CTDSPL2: variants seen among roughly 807,000 people sequenced by gnomAD.
CTDSPL2 encodes the protein CTD small phosphatase like 2, also known as CTD small phosphatase-like protein 2.
CTDSPL2 carries 5 observed loss-of-function variants against 60.0 expected under a neutral mutation model. The observed-to-expected ratio is 0.08, with a 90% CI of 0.04 to 0.18. The LOEUF (loss-of-function observed/expected upper bound fraction) is 0.18. CTDSPL2 is among the 10% of genes least tolerant of loss of function. The pLI is 1.00. For missense variants in CTDSPL2, 370 were observed against 548.8 expected (o/e 0.67, Z 3.26); for synonymous variants, 186 against 189.3 (o/e 0.98, Z 0.14).
At chr15:44,467,728 C>G (rs1315344867) in intron 2 of CTDSPL2, among the ~76,000 whole-genome samples, 1 of 152,060 alleles carries the variant, frequency 6.6e-6, no homozygotes, top group Admixed American at 6.6e-5. Flanking sequence ...CACGTGACAC[C>G]ATGCCTGGCT....
At position 44,524,811 on chromosome 15, in the gene CTDSPL2, T is replaced by C. The variant is rs1366247095; in HGVS notation, c.*637T>C. The C allele has an allele frequency of 6.5e-6, 1 of 152,676 alleles. No individual in the cohort carries two copies. Among genetic ancestry groups the C allele is most frequent in the African/African-American group, 2.4e-5 (1 of 41,464 alleles). The allele number at this position is 152,676 out of a possible 1,614,324, so 9.5% of individuals were successfully genotyped here. ...TCTGCCTGCACATTGTATATTTGTT[T>C]AAAAATATTCTCTACTTTTAGTCTA... On this transcript the variant is annotated 3_prime_UTR_variant, in exon 13 of 13. Transcript: ENST00000260327.
chr15:44,490,971 A>G lies in CTDSPL2; in HGVS notation c.663A>G (p.Thr221=). 6.2e-7 allele frequency: 1 copy of G among 1,614,118 alleles called. No homozygotes were observed. Among genetic ancestry groups the G allele is most frequent in the South Asian group, 1.1e-5 (1 of 91,086 alleles). ...ATGGTTTAGAAGAAGCAGAAGAAAC[A>G]GTTAATCGTGATATCCCACCCCTTA... The part of the protein sequence containing the change: ...LNNGLEEAEE[T]VNRDIPPLTA... The change falls in exon 5 of 13, where the codon ACA becomes ACG. Residue 221 remains threonine, a synonymous_variant. Coordinates refer to ENST00000260327, the MANE Select transcript of CTDSPL2 (RefSeq NM_016396.3).
intron 1 of CTDSPL2, among the ~76,000 whole-genome samples, chr15:44,439,543 T>TTG (rs1491414588): frequency 2.8e-5 from 4 of 141,368 alleles, no homozygotes; most frequent in African/African-American, 7.6e-5. Flanking sequence ...ATGTTTTTTT[T>TTG]GGGGGGGGGG....
At chr15:44,442,145 C>T (rs1269322043) in intron 1 of CTDSPL2, among the ~76,000 whole-genome samples, 1 of 151,942 alleles carries the variant, frequency 6.6e-6, no homozygotes, top group African/African-American at 2.4e-5. Context: ...TACGAAATTC[C>T]TAGGGGGAAA....
chr15:44,487,957 A>G (rs2081149730), intron 4 of CTDSPL2, among the ~76,000 whole-genome samples: 1 of 152,020 alleles, frequency 6.6e-6, no homozygotes, highest in Non-Finnish European at 1.5e-5. Flanking sequence ...CTACTAAAGA[A>G]AAATACAAAA....
intron 1 of CTDSPL2, among the ~76,000 whole-genome samples, chr15:44,441,304 T>C (rs2080080148): frequency 2.0e-5 from 3 of 152,138 alleles, no homozygotes; most frequent in Admixed American, 2.0e-4. Context: ...TCCCTTCCAG[T>C]TTTTGTTCCC....
chr15:44,452,277 A>C (rs1277674223), intron 1 of CTDSPL2, among the ~76,000 whole-genome samples: 2 of 152,108 alleles, frequency 1.3e-5, no homozygotes, highest in African/African-American at 4.8e-5. Context: ...CCCGATAAAA[A>C]TTCTTTTTAA....
chr15:44,468,731 C>A lies in CTDSPL2; in HGVS notation c.186+9531C>A, dbSNP rs566598390. Among the ~76,000 whole-genome samples the A allele has an allele frequency of 7.2e-5, 11 of 152,228 alleles. No homozygotes were observed. In the East Asian group the frequency reaches 1.9e-3, roughly 27 times the overall value. On this transcript the variant is annotated intron_variant, in intron 2 of 12. Coordinates refer to ENST00000260327, the MANE Select transcript of CTDSPL2 (RefSeq NM_016396.3). ...CTTTGGACACGGGTACAGTAGTTCC[C>A]CCCTATCTTTGGTTTTGTGTTCCAT...
chr15:44,442,446 C>CAA (rs553756112), intron 1 of CTDSPL2, among the ~76,000 whole-genome samples: 8 of 60,724 alleles, frequency 1.3e-4, no homozygotes, highest in African/African-American at 3.5e-4. Flanking sequence ...GACTCTGTCT[C>CAA]AAAAAAAAAA....
rs774950148 is a variant in CTDSPL2, at chr15:44,486,706, T to C, written c.475+6T>C. 1 of 1,543,284 alleles carries C rather than the reference T, an allele frequency of 6.5e-7. No homozygotes were observed. The highest frequency in any genetic ancestry group is 1.3e-5 in the South Asian group (1 of 78,798). On this transcript the variant is annotated splice_donor_region_variant and intron_variant, in intron 4 of 12. Transcript: ENST00000260327. Reference sequence around the variant, plus strand: ...TTCACCAGCAAATAAAAATGGTAAGTATAAACTGTTAACTGTGATTTGGAT... The same window carrying C: ...TTCACCAGCAAATAAAAATGGTAAGCATAAACTGTTAACTGTGATTTGGAT...
intron 1 of CTDSPL2, among the ~76,000 whole-genome samples, chr15:44,431,498 A>G (rs979139370): frequency 1.3e-5 from 2 of 152,188 alleles, no homozygotes; most frequent in Non-Finnish European, 2.9e-5. Flanking sequence ...AGAATTGCCA[A>G]TGCCTAACTT....
chr15:44,467,606 C>T (rs1389807982), intron 2 of CTDSPL2, among the ~76,000 whole-genome samples: 8 of 152,096 alleles, frequency 5.3e-5, no homozygotes, highest in African/African-American at 1.9e-4. Context: ...CGGAGTCTCA[C>T]TCTCTCGCCC....
intron 8 of CTDSPL2, among the ~76,000 whole-genome samples, chr15:44,510,382 AAGT>A (rs1331256919): frequency 6.6e-6 from 1 of 152,158 alleles, no homozygotes; most frequent in African/African-American, 2.4e-5. Context: ...CTGTATCTTC[AAGT>A]AGTAGTCAAT....
At chr15:44,463,729 C>A (rs965367637) in intron 2 of CTDSPL2, among the ~76,000 whole-genome samples, 1 of 152,062 alleles carries the variant, frequency 6.6e-6, no homozygotes, top group Admixed American at 6.6e-5. Context: ...ATGTCATAAA[C>A]CATATTCTTA....
Position 44,450,589 on chromosome 15 carries a change from A to ATTT in CTDSPL2, c.-24-8379_-24-8377dup, listed in dbSNP as rs36016079. On this transcript the variant is annotated intron_variant, in intron 1 of 12. Transcript: ENST00000260327. ...ATGACCATTAAAAGTTATATTCTTA[A>ATTT]TTTTTTTTTTTTTTTTTTTTTTTTT... 1.5e-3 allele frequency among the ~76,000 whole-genome samples: 130 copies of ATTT among 88,690 alleles called. 1 individual carries two copies. The highest frequency in any genetic ancestry group is 3.3e-3 in the African/African-American group (70 of 21,038). 58.2% of individuals were successfully genotyped at this position (88,690 alleles called of 152,430 possible). A position where few individuals can be genotyped will look rare whatever the true frequency, so the allele number is the denominator to read the frequency against.
intron 8 of CTDSPL2, among the ~76,000 whole-genome samples, chr15:44,509,599 T>C (rs975273837): frequency 3.3e-5 from 5 of 152,144 alleles, no homozygotes; most frequent in African/African-American, 4.8e-5. Context: ...CACAAAAAAA[T>C]AGACCATCAA....
At chr15:44,508,787 C>T (rs1595771889) in intron 8 of CTDSPL2, among the ~76,000 whole-genome samples, 1 of 152,024 alleles carries the variant, frequency 6.6e-6, no homozygotes, top group South Asian at 2.1e-4. Flanking sequence ...GGCATGGTGG[C>T]GGAGCCCTGT....
intron 1 of CTDSPL2, chr15:44,448,502 C>T (rs1435540730): frequency 1.2e-5 from 3 of 256,022 alleles, no homozygotes; most frequent in Non-Finnish European, 2.3e-5. Flanking sequence ...GCTGCCTCCA[C>T]CTTCACTTCC....
intron 8 of CTDSPL2, among the ~76,000 whole-genome samples, chr15:44,510,462 C>T (rs1193795230): frequency 6.6e-6 from 1 of 151,972 alleles, no homozygotes; most frequent in African/African-American, 2.4e-5. Flanking sequence ...AAACTTTTGA[C>T]ATTTTCCACA....
Sources: allele counts gnomAD v4.1 joint callset (sites outside exome capture counted in the v4.1 genomes callset), GRCh38; gene constraint gnomAD v4.1.1; transcripts MANE v1.5; gene names NCBI Gene and HGNC (gene_info 2026-07-23, HGNC 2026-07-21).